The following COL7A1 variants were observed in gnomAD, a reference collection of about 807,000 sequenced individuals.
COL7A1 encodes the protein collagen alpha-1(VII) chain.
A neutral mutation model predicts 456.2 loss-of-function variants in COL7A1; 296 were observed. The ratio of observed to expected loss-of-function variants is 0.65; its 90% confidence interval spans 0.59 to 0.71. The LOEUF (loss-of-function observed/expected upper bound fraction) is 0.71. Ranked by LOEUF, COL7A1 falls within the 30% of genes least tolerant of loss-of-function variation. The pLI is 0.00. For synonymous variants in COL7A1, 1,464 were observed against 1,525.9 expected (o/e 0.96, Z 0.95); for missense variants, 3,441 against 4,017.2 (o/e 0.86, Z 3.88).
Position 48,569,904 on chromosome 3 carries a change from G to A in COL7A1, c.7497C>T (p.Gly2499=). The A allele has an allele frequency of 6.2e-7, 1 of 1,613,840 alleles. No individual in the cohort carries two copies. Among genetic ancestry groups the A allele is most frequent in the Non-Finnish European group, 8.5e-7 (1 of 1,179,916 alleles). ...CCTTCTCCCCACGCTCTCCCCTGCT[G>A]CCAGGGGGCCCCTGTGTGAGAGAAG... is the stretch of plus-strand genomic sequence containing the variant. ...EGPRGLTGPP[G]SRGERGEKGD... is the part of the protein sequence containing the mutation. The change falls in exon 100 of 119, where the codon GGC becomes GGT. Residue 2499 remains glycine (G), a synonymous_variant. Transcript: ENST00000681320. The surrounding 1 kb of genome is among the most constrained non-coding windows in gnomAD (Gnocchi z 4.9).
rs781022857 is a variant in COL7A1, at chr3:48,565,423, A to G, written c.8514T>C (p.His2838=). ...AGCTGTCCTCACCTTCCTCCTCTGC[A>G]TGAGAGACGCGGAGCACAGGCACAG... ...LHAVPVLRVS[H]AEEEERVPPE... The change falls in exon 116 of 119, where the codon CAT becomes CAC. Residue 2838 remains histidine (H), a synonymous_variant. Transcript: ENST00000681320. The surrounding 1 kb of genome is among the most constrained non-coding windows in gnomAD (Gnocchi z 4.5). The G allele has an allele frequency of 1.1e-5, 17 of 1,610,852 alleles. No homozygotes were observed. The South Asian group carries it at 1.1e-4, about 10-fold the overall frequency.
Position 48,571,398 on chromosome 3 carries a change from C to T in COL7A1, c.7069-120G>A. The T allele has an allele frequency of 1.6e-6, 2 of 1,278,390 alleles. No homozygotes were observed. The highest frequency in any genetic ancestry group is 2.5e-5 in the South Asian group (2 of 80,038). 79.2% of individuals were successfully genotyped at this position (1,278,390 alleles called of 1,614,324 possible). ...GACCATGAACACATGGGAACTCAGA[C>T]ATGCGACCAAGAATTGGCTCACAGG... On this transcript the variant is annotated intron_variant, in intron 92 of 118. Transcript: ENST00000681320. The surrounding 1 kb of genome is among the most constrained non-coding windows in gnomAD (Gnocchi z 4.6).
chr3:48,577,281 C>T (rs2044378504), intron 65 of COL7A1, among the ~76,000 whole-genome samples: 1 of 152,252 alleles, frequency 6.6e-6, no homozygotes, highest in Non-Finnish European at 1.5e-5. Context: ...GGTAGCTCCA[C>T]ATTTATGCAT....
rs377591174 is a variant in COL7A1, at chr3:48,569,583, C to T, written c.7614+9G>A. On this transcript the variant is annotated intron_variant, in intron 102 of 118. Transcript: ENST00000681320. This position sits in a 1 kb window ranked among gnomAD's most constrained non-coding sequence, Gnocchi z 4.9. ...AGGGGAGACCCAGTCCACACGTGGG[C>T]CCACTCACCATGTCCCCCTTGGCAC... 2.8e-5 allele frequency: 45 copies of T among 1,613,590 alleles called. No homozygotes were observed. The highest frequency in any genetic ancestry group is 3.8e-5 in the Non-Finnish European group (45 of 1,179,806).
Position 48,580,250 on chromosome 3 carries a change from GC to G in COL7A1, c.5097+49del, listed in dbSNP as rs2044646788. ...TGTGTGAAGGCACACTGGCAGCAGC[GC>G]CAGGGGACCCTCCATCCCTTCTGAG... On this transcript the variant is annotated intron_variant, in intron 56 of 118. Transcript: ENST00000681320. The surrounding 1 kb of genome is among the most constrained non-coding windows in gnomAD (Gnocchi z 4.5). The G allele has an allele frequency of 6.3e-7, 1 of 1,596,538 alleles. No individual in the cohort carries two copies. Among genetic ancestry groups the G allele is most frequent in the Non-Finnish European group, 8.5e-7 (1 of 1,169,798 alleles).
rs762021443 is a variant in COL7A1, at chr3:48,579,243, C to T, written c.5342G>A (p.Ser1781Asn). Residue 1781 changes from serine to asparagine, a missense_variant, in exon 62 of 119, where the codon AGC becomes AAC. Physicochemically the swap from Ser to Asn is conservative, Grantham distance 46 (BLOSUM62 1). Around this residue, in one of 3 missense-constraint regions of COL7A1, gnomAD observed 2,084 missense variants for 2,501.3 expected, o/e 0.83. Transcript: ENST00000681320. This position sits in a 1 kb window ranked among gnomAD's most constrained non-coding sequence, Gnocchi z 4.4. ...GGCTCCTGGTTTCCCATCCAGTCCG[C>T]TCCGGCCATCCAGCCCAGGGGGACC... ...DRGPPGLDGR[S>N]GLDGKPGAAG... The T allele has an allele frequency of 3.1e-6, 5 of 1,613,880 alleles. No individual in the cohort carries two copies. In the South Asian group the frequency reaches 4.4e-5, roughly 14 times the overall value.
At position 48,574,013 on chromosome 3, in the gene COL7A1, C is replaced by A. The variant is rs1027713832; in HGVS notation, c.6502-123G>T. On this transcript the variant is annotated intron_variant, in intron 80 of 118. Transcript: ENST00000681320. This position sits in a 1 kb window ranked among gnomAD's most constrained non-coding sequence, Gnocchi z 5.0. ...TCACCCTTTCCAGTCACAGATAATA[C>A]CTACCCATGGACTGCCTCTCATAGA... 2 of 1,306,006 alleles carry A rather than the reference C, an allele frequency of 1.5e-6. No homozygotes were observed. The highest frequency in any genetic ancestry group is 2.2e-6 in the Non-Finnish European group (2 of 927,542). 80.9% of individuals were successfully genotyped at this position (1,306,006 alleles called of 1,614,324 possible). A position where few individuals can be genotyped will look rare whatever the true frequency, so the allele number is the denominator to read the frequency against.
Position 48,579,809 on chromosome 3 carries a change from G to A in COL7A1, c.5130C>T (p.Asp1710=). 1.2e-6 allele frequency: 2 copies of A among 1,614,082 alleles called. No homozygotes were observed. Among genetic ancestry groups the A allele is most frequent in the Non-Finnish European group, 1.7e-6 (2 of 1,180,020 alleles). The change falls in exon 58 of 119, where the codon GAC becomes GAT. Residue 1710 remains aspartate (D), a synonymous_variant. Transcript: ENST00000681320. The surrounding 1 kb of genome is among the most constrained non-coding windows in gnomAD (Gnocchi z 4.4). The part of the protein sequence containing the change: ...GPPGPPGRLV[D]TGPGAREKGE... Reference sequence around the variant, plus strand: ...CCTTCTCTCTGGCTCCAGGTCCTGTGTCTACCTGTGGGGGGAATGACCAGT... The same window carrying A: ...CCTTCTCTCTGGCTCCAGGTCCTGTATCTACCTGTGGGGGGAATGACCAGT...
Position 48,581,348 on chromosome 3 carries a change from G to A in COL7A1, c.4819-8C>T. 1.2e-6 allele frequency: 2 copies of A among 1,613,726 alleles called. No homozygotes were observed. The highest frequency in any genetic ancestry group is 1.7e-6 in the Non-Finnish European group (2 of 1,179,962). On this transcript the variant is annotated splice_region_variant and splice_polypyrimidine_tract_variant and intron_variant, in intron 51 of 118. Coordinates refer to ENST00000681320, the MANE Select transcript of COL7A1 (RefSeq NM_000094.4). This position sits in a 1 kb window ranked among gnomAD's most constrained non-coding sequence, Gnocchi z 5.8. The stretch of plus-strand genomic sequence containing the variant: ...AGGAGGCCCTGAGTCACCCTGTGGA[G>A]GAGGCAAGAGGGAGGTGATGCAGGA...
chr3:48,573,426 G>A lies in COL7A1; in HGVS notation c.6619-78C>T. On this transcript the variant is annotated intron_variant, in intron 83 of 118. Transcript: ENST00000681320. This position sits in a 1 kb window ranked among gnomAD's most constrained non-coding sequence, Gnocchi z 5.5. ...GGAGCTCATCCTCATTGCAGGAGAT[G>A]ACAGCCCAGGAGGTTGGCGCACACT... 2.5e-6 allele frequency: 4 copies of A among 1,613,324 alleles called. No homozygotes were observed. The highest frequency in any genetic ancestry group is 2.2e-5 in the East Asian group (1 of 44,870).
chr3:48,566,790 T>G lies in COL7A1; in HGVS notation c.8227-53A>C. The G allele has an allele frequency of 6.2e-7, 1 of 1,607,942 alleles. No individual in the cohort carries two copies. Among genetic ancestry groups the G allele is most frequent in the Non-Finnish European group, 8.5e-7 (1 of 1,175,758 alleles). Reference sequence around the variant, plus strand: ...GGGTCAGAGGCAGTGGGGATCAGAGTCAGGCAGGTTGGGGGCCACAGCTTC... The same window carrying G: ...GGGTCAGAGGCAGTGGGGATCAGAGGCAGGCAGGTTGGGGGCCACAGCTTC... On this transcript the variant is annotated intron_variant, in intron 111 of 118. Coordinates refer to ENST00000681320, the MANE Select transcript of COL7A1 (RefSeq NM_000094.4). This position sits in a 1 kb window ranked among gnomAD's most constrained non-coding sequence, Gnocchi z 5.9.
In COL7A1 at chr3:48,584,384, G is replaced by T. The variant is rs199914077; in HGVS notation, c.4120-9C>A. On this transcript the variant is annotated splice_polypyrimidine_tract_variant and intron_variant, in intron 36 of 118. Coordinates refer to ENST00000681320, the MANE Select transcript of COL7A1 (RefSeq NM_000094.4). The stretch of plus-strand genomic sequence containing the variant: ...CGAGGTCCAGGGGGGCCCTGATGGA[G>T]GAGACAAAGTATAAGGTGCAACCCC... 6.3e-5 allele frequency: 102 copies of T among 1,613,746 alleles called. No individual in the cohort carries two copies. The African/African-American group carries it at 1.2e-3, about 19-fold the overall frequency.
At position 48,578,151 on chromosome 3, in the gene COL7A1, C is replaced by T. The variant is rs542156398; in HGVS notation, c.5532+170G>A. 4.6e-5 allele frequency among the ~76,000 whole-genome samples: 7 copies of T among 151,420 alleles called. No homozygotes were observed. The South Asian group carries it at 6.3e-4, about 14-fold the overall frequency. ...TGCACTCCAACCTGGGCAACAAGAG[C>T]GAAACTCCATCTCAAAAAAAAAAAA... On this transcript the variant is annotated intron_variant, in intron 65 of 118. Transcript: ENST00000681320. This position sits in a 1 kb window ranked among gnomAD's most constrained non-coding sequence, Gnocchi z 4.7.
Position 48,566,268 on chromosome 3 carries a change from A to T in COL7A1, c.8406T>A (p.Cys2802Ter). Residue 2802 changes from cysteine (C) to a stop codon, truncating the protein, a stop_gained and splice_region_variant, in exon 114 of 119, where the codon TGT becomes TGA. Transcript: ENST00000681320. LOFTEE classifies it high-confidence loss of function. The surrounding 1 kb of genome is among the most constrained non-coding windows in gnomAD (Gnocchi z 5.9). ...GFVRQEMSQH[C>*]ACQGQFIASG... The stretch of plus-strand genomic sequence containing the variant: ...GACTGCGGGCTGGGCACCACTCACC[A>T]CAGTGCTGACTCATCTCTTGGCGCA... 2 of 1,599,696 alleles carry T rather than the reference A, an allele frequency of 1.3e-6. No individual in the cohort carries two copies.
In COL7A1 at chr3:48,594,664, A is replaced by G; in HGVS notation, c.86-116T>C. On this transcript the variant is annotated intron_variant, in intron 2 of 118. Transcript: ENST00000681320. This position sits in a 1 kb window ranked among gnomAD's most constrained non-coding sequence, Gnocchi z 5.5. ...GGAGAGTAGGCCTCATCTTATGCAA[A>G]CCAGGGCCGAATCGGCCTGAGCCTG... The G allele has an allele frequency of 7.8e-7, 1 of 1,276,340 alleles. No individual in the cohort carries two copies. 79.1% of individuals were successfully genotyped at this position (1,276,340 alleles called of 1,614,324 possible).
In COL7A1 at chr3:48,591,312, G is replaced by T; in HGVS notation, c.1636+152C>A. The T allele has an allele frequency of 1.8e-6, 2 of 1,093,742 alleles. No individual in the cohort carries two copies. Among genetic ancestry groups the T allele is most frequent in the Non-Finnish European group, 2.6e-6 (2 of 763,150 alleles). 67.8% of individuals were successfully genotyped at this position (1,093,742 alleles called of 1,614,324 possible). On this transcript the variant is annotated intron_variant, in intron 13 of 118. Coordinates refer to ENST00000681320, the MANE Select transcript of COL7A1 (RefSeq NM_000094.4). This position sits in a 1 kb window ranked among gnomAD's most constrained non-coding sequence, Gnocchi z 7.0. ...AGACACACCCTGTTGACAGTTCAGG[G>T]CTCAGTGCCATCTTGGGAAGCAGAT...
chr3:48,590,119 A>G lies in COL7A1; in HGVS notation c.2050+94T>C. On this transcript the variant is annotated intron_variant, in intron 16 of 118. Coordinates refer to ENST00000681320, the MANE Select transcript of COL7A1 (RefSeq NM_000094.4). This position sits in a 1 kb window ranked among gnomAD's most constrained non-coding sequence, Gnocchi z 4.6. ...GTGGGATTCTGAAGGGGGAGGCAGG[A>G]GTTCTGGGGAGAAGCAAGGGTCTGC... 1 of 1,384,548 alleles carries G rather than the reference A, an allele frequency of 7.2e-7. No individual in the cohort carries two copies. The highest frequency in any genetic ancestry group is 1.0e-6 in the Non-Finnish European group (1 of 1,003,468). The allele number at this position is 1,384,548 out of a possible 1,614,324, so 85.8% of individuals were successfully genotyped here.
chr3:48,583,747 C>T lies in COL7A1; in HGVS notation c.4312G>A (p.Val1438Ile), dbSNP rs148625586. 3.9e-4 allele frequency: 625 copies of T among 1,613,904 alleles called. 3 individuals carry two copies. In the Middle Eastern group the frequency reaches 6.1e-3, roughly 16 times the overall value. ...LPGSPGPQGP[V>I]GPPGKKGEKG... is the part of the protein sequence containing the mutation. ...TCTCCTTTCTTTCCAGGGGGGCCAA[C>T]GGGGCCTTGGGGTCCAGGGCTTCCG... Residue 1438 changes from valine (V) to isoleucine (I), a missense_variant, in exon 40 of 119, where the codon GTT becomes ATT. Transcript: ENST00000681320. This position sits in a 1 kb window ranked among gnomAD's most constrained non-coding sequence, Gnocchi z 5.1.
Position 48,588,822 on chromosome 3 carries a change from T to C in COL7A1, c.2441-34A>G. On this transcript the variant is annotated intron_variant, in intron 19 of 118. Transcript: ENST00000681320. The surrounding 1 kb of genome is among the most constrained non-coding windows in gnomAD (Gnocchi z 4.6). ...GTGGGCATACAGCAATGGTTAGGGG[T>C]GAGCAGTCCCAGCCAGGAAGGACAG... The C allele has an allele frequency of 1.2e-6, 2 of 1,613,424 alleles. No individual in the cohort carries two copies. Among genetic ancestry groups the C allele is most frequent in the Non-Finnish European group, 1.7e-6 (2 of 1,179,994 alleles).
Sources: allele counts gnomAD v4.1 joint callset (sites outside exome capture counted in the v4.1 genomes callset), GRCh38; gene constraint gnomAD v4.1.1; regional missense constraint gnomAD v4.1.1; non-coding constraint Gnocchi (gnomAD v3.1); transcripts MANE v1.5; gene names NCBI Gene and HGNC (gene_info 2026-07-23, HGNC 2026-07-21).